NHSL1: variants seen among roughly 807,000 people sequenced by gnomAD.
NHSL1 encodes NHS like 1.
A neutral mutation model predicts 95.0 loss-of-function variants in NHSL1; 48 were observed. The observed-to-expected ratio is 0.51, with a 90% CI of 0.40 to 0.64. The LOEUF is 0.64. Ranked by LOEUF, NHSL1 falls within the 30% of genes least tolerant of loss-of-function variation. The probability of loss-of-function intolerance (pLI) is 0.00; values close to 1 mark genes in which losing one functional copy is unlikely to be tolerated. For synonymous variants in NHSL1, 783 were observed against 833.9 expected (o/e 0.94, Z 1.05); for missense variants, 1,971 against 2,077.7 (o/e 0.95, Z 1.00).
intron 1 of NHSL1, among the ~76,000 whole-genome samples, chr6:138,618,045 T>C (rs572428021): frequency 6.6e-6 from 1 of 152,294 alleles, no homozygotes; most frequent in African/African-American, 2.4e-5. Flanking sequence ...GAAGAGTATA[T>C]TGATATTTTC....
chr6:138,564,012 A>G (rs528459249), intron 1 of NHSL1, among the ~76,000 whole-genome samples: 8 of 152,332 alleles, frequency 5.3e-5, no homozygotes, highest in Non-Finnish European at 7.3e-5. Flanking sequence ...CGTTAATTCC[A>G]TATCTCTGTT....
intron 1 of NHSL1, among the ~76,000 whole-genome samples, chr6:138,551,003 CT>C (rs757470467): frequency 6.6e-6 from 1 of 152,266 alleles, no homozygotes; most frequent in African/African-American, 2.4e-5. Context: ...TCAGTTACCC[CT>C]GGTCAACTGA....
At chr6:138,650,513 G>T (rs1785076999) in intron 1 of NHSL1, 12 of 639,850 alleles carry the variant, frequency 1.9e-5, no homozygotes, top group South Asian at 1.7e-4. Flanking sequence ...CACTGATGAA[G>T]TAGGCCAGTA....
At chr6:138,589,119 C>A (rs7760826) in intron 1 of NHSL1, among the ~76,000 whole-genome samples, 20,941 of 152,136 alleles carry the variant, frequency 0.14, 2,481 homozygotes, top group African/African-American at 0.33. Flanking sequence ...CGCAAAGGAT[C>A]CTGCATCCAA....
At chr6:138,557,877 A>T (rs373854061) in intron 1 of NHSL1, among the ~76,000 whole-genome samples, 1 of 152,214 alleles carries the variant, frequency 6.6e-6, no homozygotes, top group East Asian at 1.9e-4. Flanking sequence ...AAAAAAGACC[A>T]TGCATGACTA....
At chr6:138,608,015 C>T (rs1170780077) in intron 1 of NHSL1, among the ~76,000 whole-genome samples, 1 of 152,224 alleles carries the variant, frequency 6.6e-6, no homozygotes, top group African/African-American at 2.4e-5. Flanking sequence ...AACCTTCAAC[C>T]CTGTCAGCTT....
At chr6:138,532,835 G>A (rs1234060108) in intron 1 of NHSL1, among the ~76,000 whole-genome samples, 1 of 152,152 alleles carries the variant, frequency 6.6e-6, no homozygotes, top group Non-Finnish European at 1.5e-5. Context: ...TCCCGAATGT[G>A]TAATCTAATA....
At chr6:138,479,708 T>A (rs1333531205) in intron 2 of NHSL1, among the ~76,000 whole-genome samples, 2 of 152,252 alleles carry the variant, frequency 1.3e-5, no homozygotes, top group Non-Finnish European at 2.9e-5. Flanking sequence ...AGAGGACTAC[T>A]TTAAACATGC....
intron 1 of NHSL1, among the ~76,000 whole-genome samples, chr6:138,519,051 T>TAA (rs1319471834): frequency 1.3e-5 from 2 of 151,366 alleles, no homozygotes; most frequent in East Asian, 3.9e-4. Context: ...AATAAATAAA[T>TAA]ACATACATAC....
chr6:138,452,553 C>T (rs1315705790), intron 3 of NHSL1, among the ~76,000 whole-genome samples: 1 of 152,186 alleles, frequency 6.6e-6, no homozygotes, highest in African/African-American at 2.4e-5. Context: ...ACAGATGAAA[C>T]TATATAGAAC....
In NHSL1 at chr6:138,431,385, T is replaced by C; in HGVS notation, c.2960A>G (p.Asp987Gly). 6.5e-7 allele frequency: 1 copy of C among 1,546,634 alleles called. No homozygotes were observed. Among genetic ancestry groups the C allele is most frequent in the Non-Finnish European group, 8.7e-7 (1 of 1,145,426 alleles). Residue 987 changes from aspartate (D) to glycine (G), a missense_variant, in exon 6 of 8, where the codon GAT becomes GGT. Asp to Gly is a moderately conservative substitution (Grantham distance 94). Transcript: ENST00000343505. This position sits in a 1 kb window ranked among gnomAD's most constrained non-coding sequence, Gnocchi z 4.0. ...AGGGCGGGGAGGAGAAAGGCACCAA[T>C]CAGGTGGGGAGCAGAAAGGAATGAG... is the stretch of plus-strand genomic sequence containing the variant. ...EALIPFCSPP[D>G]WCLSPPRPAL...
intron 1 of NHSL1, among the ~76,000 whole-genome samples, chr6:138,675,585 A>G (rs1785437925): frequency 6.6e-6 from 1 of 151,928 alleles, no homozygotes; most frequent in Admixed American, 6.6e-5. Flanking sequence ...CCCAGACTGG[A>G]GTGCAGTGGT....
intron 1 of NHSL1, among the ~76,000 whole-genome samples, chr6:138,641,655 G>A (rs1784961123): frequency 6.7e-6 from 1 of 149,464 alleles, no homozygotes; most frequent in Admixed American, 6.7e-5. Flanking sequence ...AATCATGGCA[G>A]TGGGGAACTC....
intron 4 of NHSL1, among the ~76,000 whole-genome samples, chr6:138,443,069 A>C (rs1290935902): frequency 6.6e-6 from 1 of 152,082 alleles, no homozygotes; most frequent in Non-Finnish European, 1.5e-5. Flanking sequence ...ACACATATAT[A>C]TATATACACA....
At chr6:138,502,128 G>T (rs1780715862), upstream of NHSL1, among the ~76,000 whole-genome samples, 1 of 152,052 alleles carries the variant, frequency 6.6e-6, no homozygotes. Context: ...CTCATCCTCT[G>T]TGCATTATTC....
At chr6:138,680,608 C>T (rs2114783784) in intron 1 of NHSL1, among the ~76,000 whole-genome samples, 1 of 152,208 alleles carries the variant, frequency 6.6e-6, no homozygotes, top group African/African-American at 2.4e-5. Context: ...CCTCTCCTCC[C>T]TTTTCCTCTT....
At chr6:138,528,643 C>G (rs1583361022) in intron 1 of NHSL1, among the ~76,000 whole-genome samples, 1 of 152,186 alleles carries the variant, frequency 6.6e-6, no homozygotes, top group African/African-American at 2.4e-5. Context: ...AATTATCACC[C>G]TATACAGACA....
intron 1 of NHSL1, among the ~76,000 whole-genome samples, chr6:138,585,972 G>A (rs1340508552): frequency 6.6e-6 from 1 of 152,072 alleles, no homozygotes; most frequent in Admixed American, 6.5e-5. Flanking sequence ...GATCACTTGA[G>A]CCCAGGAGTT....
intron 1 of NHSL1, among the ~76,000 whole-genome samples, chr6:138,660,090 C>T (rs570704924): frequency 2.6e-4 from 39 of 152,170 alleles, no homozygotes; most frequent in Non-Finnish European, 4.9e-4. Flanking sequence ...CCTCTTACTC[C>T]GTGGCTGATT....
Sources: gnomAD v4.1 joint callset for allele counts (sites outside exome capture counted in the v4.1 genomes callset) on GRCh38, gnomAD v4.1.1 for gene constraint, Gnocchi (gnomAD v3.1) non-coding constraint, MANE v1.5 for transcripts, NCBI Gene and HGNC (gene_info 2026-07-23, HGNC 2026-07-21) for gene names.